Variants in KDM7A observed in about 807,000 individuals in gnomAD.
KDM7A encodes the protein lysine-specific demethylase 7A.
A neutral mutation model predicts 114.8 loss-of-function variants in KDM7A; 28 were observed. The observed-to-expected ratio is 0.24, with a 90% CI of 0.18 to 0.33. KDM7A has a LOEUF of 0.33. Ranked by LOEUF, KDM7A falls within the 10% of genes least tolerant of loss-of-function variation. The pLI is 1.00. For synonymous variants in KDM7A, 423 were observed against 397.8 expected, an observed-to-expected ratio of 1.06 and a Z score of -0.75; for missense variants, 942 against 1,142.5, an observed-to-expected ratio of 0.82 and a Z score of 2.53.
chr7:140,111,285 C>G (rs968323057), intron 10 of KDM7A, 101 bp from the exon 11 acceptor site: 15 of 672,116 alleles, frequency 2.2e-5, no homozygotes, highest in Non-Finnish European at 3.3e-5. Flanking sequence ...TAAACTGTTA[C>G]AGACATCGCC....
chr7:140,107,185 C>G (rs1227175130), intron 11 of KDM7A, among the ~76,000 whole-genome samples: 1 of 152,132 alleles, frequency 6.6e-6, no homozygotes, highest in Non-Finnish European at 1.5e-5. Context: ...TCAGATGGGT[C>G]TCTGAATACA....
At chr7:140,107,014 A>C (rs1388918849) in intron 11 of KDM7A, among the ~76,000 whole-genome samples, 6 of 152,240 alleles carry the variant, frequency 3.9e-5, no homozygotes, top group African/African-American at 1.4e-4. Flanking sequence ...TGATCCCTTT[A>C]GCATTATGTA....
rs149333924 is a variant in KDM7A, at chr7:140,136,559, G to T, written c.280+2546C>A. 1.3e-3 allele frequency among the ~76,000 whole-genome samples: 201 copies of T among 152,320 alleles called. 1 individual carries two copies. Among genetic ancestry groups the T allele is most frequent in the African/African-American group, 4.5e-3 (187 of 41,576 alleles). On this transcript the variant is annotated intron_variant, in intron 2 of 19. Transcript: ENST00000397560. Reference sequence around the variant, plus strand: ...TACATATTTAAGTTATTTGTGGGCTGTTTTTTGATACCTGCCCTCAAATAG... The same window carrying T: ...TACATATTTAAGTTATTTGTGGGCTTTTTTTTGATACCTGCCCTCAAATAG...
intron 1 of KDM7A, among the ~76,000 whole-genome samples, chr7:140,155,097 C>G (rs1183668066): frequency 6.6e-6 from 1 of 152,148 alleles, no homozygotes; most frequent in African/African-American, 2.4e-5. Context: ...TGATCATACA[C>G]TAAAACTTTC....
chr7:140,105,587 C>T (rs1353915706), intron 11 of KDM7A, among the ~76,000 whole-genome samples: 3 of 152,154 alleles, frequency 2.0e-5, no homozygotes, highest in South Asian at 4.1e-4. Flanking sequence ...TGATGGATTA[C>T]GTTTATTGAT....
chr7:140,092,471 T>C (rs1478118108), intron 18 of KDM7A, among the ~76,000 whole-genome samples: 1 of 152,224 alleles, frequency 6.6e-6, no homozygotes, highest in Non-Finnish European at 1.5e-5. Flanking sequence ...TTCTAGAGTC[T>C]ATCTTCTATC....
At chr7:140,109,912 A>G (rs768038745) in intron 11 of KDM7A, among the ~76,000 whole-genome samples, 1 of 152,204 alleles carries the variant, frequency 6.6e-6, no homozygotes, top group Non-Finnish European at 1.5e-5. Context: ...ACATTTGGTA[A>G]TCTAATAATT....
At chr7:140,169,859 T>C (rs1480835981) in intron 1 of KDM7A, among the ~76,000 whole-genome samples, 1 of 152,212 alleles carries the variant, frequency 6.6e-6, no homozygotes, top group Non-Finnish European at 1.5e-5. Flanking sequence ...GAGAACTATG[T>C]CCCATGCCTC....
Position 140,124,659 on chromosome 7 carries a change from C to T in KDM7A, c.1013G>A (p.Cys338Tyr). The T allele has an allele frequency of 6.2e-7, 1 of 1,613,652 alleles. No homozygotes were observed. Among genetic ancestry groups the T allele is most frequent in the Non-Finnish European group, 8.5e-7 (1 of 1,179,804 alleles). The change falls in exon 7 of 20, where the codon TGT (cysteine) becomes TAT (tyrosine). Residue 338 changes from cysteine (C) to tyrosine (Y), a missense_variant. Physicochemically the swap from Cys to Tyr is radical, Grantham distance 194. Around this residue, in one of 4 missense-constraint regions of KDM7A, gnomAD observed 318 missense variants for 453.1 expected, o/e 0.70. Transcript: ENST00000397560. Reference protein sequence around the residue: ...FGDKVDKCYKCVVKQGHTLFV... With the variant: ...FGDKVDKCYKYVVKQGHTLFV... ...TAAGGTATGTCCCTGCTTTACCACA[C>T]ATTTGTAGCATTTATCCACCTTATC...
rs1818202342 is a variant in KDM7A, at chr7:140,100,715, T to TATATATATATATATATACAC, written c.1639-693_1639-692insGTGTATATATATATATATAT. Among the ~76,000 whole-genome samples, 30 of 49,052 alleles carry TATATATATATATATATACAC rather than the reference T, an allele frequency of 6.1e-4. 1 individual carries two copies. The highest frequency in any genetic ancestry group is 1.0e-3 in the Non-Finnish European group (23 of 22,606). 32.2% of individuals were successfully genotyped at this position (49,052 alleles called of 152,430 possible). On this transcript the variant is annotated intron_variant, in intron 12 of 19. Transcript: ENST00000397560. ...ATATATATATATATATATACACATA[T>TATATATATATATATATACAC]ATATATATATATATATATATATATA... is the stretch of plus-strand genomic sequence containing the variant.
Position 140,102,088 on chromosome 7 carries a change from C to T in KDM7A, c.1501G>A (p.Ala501Thr), listed in dbSNP as rs1562946658. The change falls in exon 12 of 20, where the codon GCA (alanine) becomes ACA (threonine). Residue 501 changes from alanine to threonine, a missense_variant. Ala to Thr is a moderately conservative substitution (Grantham distance 58). Coordinates refer to ENST00000397560, the MANE Select transcript of KDM7A (RefSeq NM_030647.2). ...CTTCGGGAATGGTATGGGGAAGTTG[C>T]TTCATTTGAGGATCGTGAAACTGGA... ...VCPVSRSSNE[A>T]TSPYHSRRKM... is the part of the protein sequence containing the mutation. The T allele has an allele frequency of 6.2e-7, 1 of 1,613,958 alleles. No homozygotes were observed. The highest frequency in any genetic ancestry group is 2.2e-5 in the East Asian group (1 of 44,864).
chr7:140,163,405 T>C (rs1164860346), intron 1 of KDM7A, among the ~76,000 whole-genome samples: 1 of 152,096 alleles, frequency 6.6e-6, no homozygotes, highest in Non-Finnish European at 1.5e-5. Flanking sequence ...AAGCCTCAGC[T>C]TCCCGAGTAG....
chr7:140,113,635 T>C (rs1438324455), intron 9 of KDM7A, 53 bp from the exon 10 acceptor site: 3 of 917,688 alleles, frequency 3.3e-6, no homozygotes, highest in Non-Finnish European at 5.2e-6. Flanking sequence ...TGTTCTAAAG[T>C]TAAAGGGATT....
intron 3 of KDM7A, among the ~76,000 whole-genome samples, 193 bp downstream of exon 3, chr7:140,133,346 C>T (rs939699251): frequency 6.6e-6 from 1 of 152,158 alleles, no homozygotes; most frequent in Non-Finnish European, 1.5e-5. Context: ...TGAAAATATG[C>T]TTACTTACTG....
intron 15 of KDM7A, 117 bp downstream of exon 15, chr7:140,097,428 T>C (rs1357818260): frequency 1.1e-5 from 7 of 620,882 alleles, no homozygotes; most frequent in East Asian, 5.5e-5. Flanking sequence ...CCTGTGCTAA[T>C]GTAAGTCAGA....
intron 1 of KDM7A, among the ~76,000 whole-genome samples, chr7:140,166,484 C>A (rs1227000713): frequency 6.6e-6 from 1 of 151,858 alleles, no homozygotes; most frequent in Non-Finnish European, 1.5e-5. Flanking sequence ...GGAATACAGG[C>A]ACTCCCCACA....
At chr7:140,151,211 T>C (rs1029093093) in intron 1 of KDM7A, among the ~76,000 whole-genome samples, 4 of 152,350 alleles carry the variant, frequency 2.6e-5, no homozygotes, top group East Asian at 1.9e-4. Context: ...TGAGGAACTA[T>C]TGATCTAAAA....
At chr7:140,130,043 C>T (rs1303315945) in intron 3 of KDM7A, among the ~76,000 whole-genome samples, 1 of 151,842 alleles carries the variant, frequency 6.6e-6, no homozygotes, top group Non-Finnish European at 1.5e-5. Flanking sequence ...TCAGATTTTC[C>T]GATTAGGGAT....
rs1326943916 is a variant in KDM7A, at chr7:140,086,333, G to C, written c.*4761C>G. The C allele has an allele frequency of 6.6e-6, 1 of 152,172 alleles. No individual in the cohort carries two copies. The highest frequency in any genetic ancestry group is 1.5e-5 in the Non-Finnish European group (1 of 68,038). The allele number at this position is 152,172 out of a possible 1,614,324, so 9.4% of individuals were successfully genotyped here. A position where few individuals can be genotyped will look rare whatever the true frequency, so the allele number is the denominator to read the frequency against. On this transcript the variant is annotated 3_prime_UTR_variant, in exon 20 of 20. Transcript: ENST00000397560. Reference sequence around the variant, plus strand: ...CTTAAGACACTAGAAGGGGCACCAGGGGGAAGGGGAGAACCTAAGGATATT... The same window carrying C: ...CTTAAGACACTAGAAGGGGCACCAGCGGGAAGGGGAGAACCTAAGGATATT...
Sources: allele counts gnomAD v4.1 joint callset (sites outside exome capture counted in the v4.1 genomes callset), GRCh38; gene constraint gnomAD v4.1.1; regional missense constraint gnomAD v4.1.1; transcripts MANE v1.5; gene names NCBI Gene and HGNC (gene_info 2026-07-23, HGNC 2026-07-21).